PCDHGB1: variants seen among roughly 807,000 people sequenced by gnomAD.
PCDHGB1 encodes the protein protocadherin gamma-B1.
In PCDHGB1, 34 loss-of-function variants were observed where a neutral mutation model predicts 56.6. The observed-to-expected ratio is 0.60, with a 90% CI of 0.46 to 0.80. PCDHGB1 has a LOEUF of 0.80. PCDHGB1 is among the 30% of genes least tolerant of loss of function. PCDHGB1 has a pLI of 0.00. For missense variants in PCDHGB1, 1,278 were observed against 1,204.6 expected (o/e 1.06, Z -0.90); for synonymous variants, 561 against 505.9 (o/e 1.11, Z -1.46).
At chr5:141,408,747 T>C (rs1589683971) in intron 1 of PCDHGB1, 1 of 1,609,868 alleles carries the variant, frequency 6.2e-7, no homozygotes, top group Non-Finnish European at 8.5e-7. Flanking sequence ...TCATTAATGG[T>C]TAGAGTTAAT....
In PCDHGB1 at chr5:141,485,867, G is replaced by T; in HGVS notation, c.2410-8940G>T. The T allele has an allele frequency of 6.2e-7, 1 of 1,614,164 alleles. No homozygotes were observed. Among genetic ancestry groups the T allele is most frequent in the Non-Finnish European group, 8.5e-7 (1 of 1,180,040 alleles). On this transcript the variant is annotated intron_variant, in intron 1 of 3. Transcript: ENST00000523390. The surrounding 1 kb of genome is among the most constrained non-coding windows in gnomAD (Gnocchi z 5.7). ...TGGCACCGCAGAGCTCCGGGTATCC[G>T]TGCTGGACGTAAACGACAACGCCCC...
At position 141,477,891 on chromosome 5, in the gene PCDHGB1, G is replaced by A. The variant is rs750359063; in HGVS notation, c.2410-16916G>A. 130 of 1,614,066 alleles carry A rather than the reference G, an allele frequency of 8.1e-5. 1 individual carries two copies. The highest frequency in any genetic ancestry group is 1.1e-4 in the Non-Finnish European group (125 of 1,180,050). On this transcript the variant is annotated intron_variant, in intron 1 of 3. Coordinates refer to ENST00000523390, the MANE Select transcript of PCDHGB1 (RefSeq NM_018922.3). The surrounding 1 kb of genome is among the most constrained non-coding windows in gnomAD (Gnocchi z 4.9). The stretch of plus-strand genomic sequence containing the variant: ...ACCTCAGCTGGCCACCTAGTGTCAC[G>A]GGTGGTAGGCTGGGACGCGGATGCA...
At chr5:141,399,515 C>G (rs748098945) in intron 1 of PCDHGB1, 1 of 1,614,040 alleles carries the variant, frequency 6.2e-7, no homozygotes, top group Non-Finnish European at 8.5e-7. Context: ...AACAACCCTC[C>G]TGGGGCCTCC....
chr5:141,377,551 G>T (rs949060522), intron 1 of PCDHGB1: 3 of 151,380 alleles, frequency 2.0e-5, no homozygotes, highest in African/African-American at 7.3e-5. Flanking sequence ...AGATATAATT[G>T]TGTCACTGCA....
intron 1 of PCDHGB1, among the ~76,000 whole-genome samples, chr5:141,458,890 C>A (rs369529373): frequency 2.0e-5 from 3 of 152,042 alleles, no homozygotes; most frequent in African/African-American, 7.2e-5. Flanking sequence ...GCACACCATG[C>A]GCAGCTAATT....
chr5:141,432,237 A>T lies in PCDHGB1; in HGVS notation c.2410-62570A>T. ...GCCCAGATCACTTATTCCCTGGCTG[A>T]GAACACCATCCAAGGGGCAAGCCTA... On this transcript the variant is annotated intron_variant, in intron 1 of 3. Transcript: ENST00000523390. The surrounding 1 kb of genome is among the most constrained non-coding windows in gnomAD (Gnocchi z 6.0). The T allele has an allele frequency of 2.5e-6, 4 of 1,614,224 alleles. No individual in the cohort carries two copies. Among genetic ancestry groups the T allele is most frequent in the Non-Finnish European group, 3.4e-6 (4 of 1,180,032 alleles).
chr5:141,462,431 T>G (rs1345184304), intron 1 of PCDHGB1, among the ~76,000 whole-genome samples: 1 of 152,246 alleles, frequency 6.6e-6, no homozygotes, highest in East Asian at 1.9e-4. Context: ...TGGTGAGTGT[T>G]GCTTACACAC....
At position 141,485,848 on chromosome 5, in the gene PCDHGB1, C is replaced by G. The variant is rs1416763615; in HGVS notation, c.2410-8959C>G. 1.9e-6 allele frequency: 3 copies of G among 1,614,076 alleles called. No individual in the cohort carries two copies. The highest frequency in any genetic ancestry group is 1.1e-5 in the South Asian group (1 of 91,084). On this transcript the variant is annotated intron_variant, in intron 1 of 3. Coordinates refer to ENST00000523390, the MANE Select transcript of PCDHGB1 (RefSeq NM_018922.3). This position sits in a 1 kb window ranked among gnomAD's most constrained non-coding sequence, Gnocchi z 5.7. The stretch of plus-strand genomic sequence containing the variant: ...GAGGGAACCCGCCGAGATCTGGCAC[C>G]GCAGAGCTCCGGGTATCCGTGCTGG...
chr5:141,375,309 C>T, intron 1 of PCDHGB1: 3 of 1,613,840 alleles, frequency 1.9e-6, no homozygotes, highest in Non-Finnish European at 2.5e-6. Context: ...ACAAATGCAG[C>T]TCTAGACCGG....
At chr5:141,427,333 T>C (rs1157500463) in intron 1 of PCDHGB1, 1 of 457,322 alleles carries the variant, frequency 2.2e-6, no homozygotes, top group Non-Finnish European at 4.4e-6. Context: ...TTTACTTCAG[T>C]GTCCAGTTCT....
intron 1 of PCDHGB1, chr5:141,379,765 A>G (rs1294190356): frequency 6.6e-6 from 1 of 152,120 alleles, no homozygotes; most frequent in Non-Finnish European, 1.5e-5. Context: ...CACCTGCAAT[A>G]CAGATCATTA....
intron 1 of PCDHGB1, chr5:141,376,030 C>G (rs766254447): frequency 1.2e-6 from 2 of 1,613,082 alleles, no homozygotes; most frequent in Non-Finnish European, 1.7e-6. Flanking sequence ...TCCAGGACCA[C>G]GGCCAGCCCC....
chr5:141,498,616 G>T (rs1202866176), intron 2 of PCDHGB1, among the ~76,000 whole-genome samples: 1 of 152,138 alleles, frequency 6.6e-6, no homozygotes, highest in East Asian at 1.9e-4. Flanking sequence ...AGTCAGCACT[G>T]GGTCACACTG....
At position 141,477,687 on chromosome 5, in the gene PCDHGB1, C is replaced by A. The variant is rs1206813120; in HGVS notation, c.2410-17120C>A. The A allele has an allele frequency of 5.6e-6, 9 of 1,614,022 alleles. No homozygotes were observed. The highest frequency in any genetic ancestry group is 7.6e-6 in the Non-Finnish European group (9 of 1,180,040). ...AATGGCATAGTGTCATCCTTAGTGC[C>A]CCTAGACTATGAGGATCGGCGGGAA... On this transcript the variant is annotated intron_variant, in intron 1 of 3. Coordinates refer to ENST00000523390, the MANE Select transcript of PCDHGB1 (RefSeq NM_018922.3). This position sits in a 1 kb window ranked among gnomAD's most constrained non-coding sequence, Gnocchi z 4.9.
chr5:141,355,658 C>T, intron 1 of PCDHGB1: 1 of 1,614,004 alleles, frequency 6.2e-7, no homozygotes, highest in Non-Finnish European at 8.5e-7. Context: ...GCAAGATTTC[C>T]TCTTCCTGAA....
At position 141,420,340 on chromosome 5, in the gene PCDHGB1, G is replaced by A. The variant is rs1405507680; in HGVS notation, c.2409+67671G>A. ...ATATGCCAATATATTCCAATATAGT[G>A]GTATTATTTTAAGATTCTAGATAAC... On this transcript the variant is annotated intron_variant, in intron 1 of 3. Transcript: ENST00000523390. The A allele has an allele frequency of 2.9e-6, 4 of 1,387,388 alleles. No homozygotes were observed. In the African/African-American group the frequency reaches 4.4e-5, roughly 15 times the overall value. 85.9% of individuals were successfully genotyped at this position (1,387,388 alleles called of 1,614,324 possible). A position where few individuals can be genotyped will look rare whatever the true frequency, so the allele number is the denominator to read the frequency against.
At chr5:141,421,436 G>C (rs373015809) in intron 1 of PCDHGB1, 6 of 1,613,994 alleles carry the variant, frequency 3.7e-6, no homozygotes, top group African/African-American at 2.7e-5. Context: ...ATCGTCTCCA[G>C]AGGGAAGACA....
rs759995473 is a variant in PCDHGB1, at chr5:141,350,910, C to A, written c.650C>A (p.Pro217Gln). The change falls in exon 1 of 4, where the codon CCG (proline) becomes CAG (glutamine). Residue 217 changes from proline to glutamine, a missense_variant. Transcript: ENST00000523390. ...CTGACTGCCATGGATGGCGGGGACCCGCCTCTAAGCGGCACCACCCATATC... is the reference window on the plus strand; with the variant it reads ...CTGACTGCCATGGATGGCGGGGACCAGCCTCTAAGCGGCACCACCCATATC... ...LILTAMDGGD[P>Q]PLSGTTHIWI... The A allele has an allele frequency of 2.5e-6, 4 of 1,614,072 alleles. No individual in the cohort carries two copies. The highest frequency in any genetic ancestry group is 2.2e-5 in the South Asian group (2 of 91,090).
At chr5:141,415,655 T>C (rs780357843) in intron 1 of PCDHGB1, 50 of 1,586,718 alleles carry the variant, frequency 3.2e-5, no homozygotes, top group Non-Finnish European at 4.0e-5. Flanking sequence ...AAAAAAAAGA[T>C]TGGTTTTTAC....
Sources: allele counts gnomAD v4.1 joint callset (sites outside exome capture counted in the v4.1 genomes callset), GRCh38; gene constraint gnomAD v4.1.1; non-coding constraint Gnocchi (gnomAD v3.1); transcripts MANE v1.5; gene names NCBI Gene and HGNC (gene_info 2026-07-23, HGNC 2026-07-21).